The following ERBB4 variants were observed in gnomAD, a reference collection of about 807,000 sequenced individuals.
ERBB4 encodes the protein receptor tyrosine-protein kinase erbB-4.
A neutral mutation model predicts 158.0 loss-of-function variants in ERBB4; 42 were observed. The observed-to-expected ratio is 0.27, with a 90% CI of 0.21 to 0.34. The LOEUF is 0.34. Ranked by LOEUF, ERBB4 falls within the 10% of genes least tolerant of loss-of-function variation. The pLI, the probability that ERBB4 is intolerant of heterozygous loss-of-function variation, is 1.00. For missense variants in ERBB4, 1,333 were observed against 1,624.1 expected, an observed-to-expected ratio of 0.82 and a Z score of 3.08; for synonymous variants, 583 against 558.7, an observed-to-expected ratio of 1.04 and a Z score of -0.61.
chr2:211,796,387 C>T (rs2076383557), intron 3 of ERBB4, among the ~76,000 whole-genome samples: 2 of 151,992 alleles, frequency 1.3e-5, no homozygotes, highest in African/African-American at 4.8e-5. Context: ...ATACTTTCCA[C>T]ACTTGGGCTA....
chr2:211,558,615 G>A (rs13402967), intron 20 of ERBB4, among the ~76,000 whole-genome samples: 27,384 of 151,928 alleles, frequency 0.18, 3,003 homozygotes, highest in Non-Finnish European at 0.25. Flanking sequence ...AAAAAATATA[G>A]TAATTATTAA....
At chr2:211,748,828 T>C (rs2075046327) in intron 5 of ERBB4, among the ~76,000 whole-genome samples, 1 of 152,254 alleles carries the variant, frequency 6.6e-6, no homozygotes, top group Non-Finnish European at 1.5e-5. Flanking sequence ...TTGGTTACTT[T>C]CCACTTCATC....
At chr2:211,827,167 C>G (rs1045189313) in intron 3 of ERBB4, among the ~76,000 whole-genome samples, 1 of 151,962 alleles carries the variant, frequency 6.6e-6, no homozygotes, top group African/African-American at 2.4e-5. Flanking sequence ...TACCCATGCT[C>G]TATCCGAAAA....
chr2:212,112,816 A>G (rs1260163295), intron 2 of ERBB4, among the ~76,000 whole-genome samples: 4 of 152,232 alleles, frequency 2.6e-5, no homozygotes, highest in Non-Finnish European at 5.9e-5. Context: ...ACGTGAGTCT[A>G]AGGAAGCTTA....
chr2:211,464,033 T>C (rs1553539742), intron 20 of ERBB4, among the ~76,000 whole-genome samples: 1 of 152,148 alleles, frequency 6.6e-6, no homozygotes, highest in Non-Finnish European at 1.5e-5. Context: ...GCTTTTTTCC[T>C]TTAAGTCTTA....
At chr2:212,334,769 T>A (rs1031495337) in intron 1 of ERBB4, among the ~76,000 whole-genome samples, 4 of 152,006 alleles carry the variant, frequency 2.6e-5, no homozygotes, top group Non-Finnish European at 5.9e-5. Context: ...TGCCAATGAA[T>A]TTAGATAATT....
intron 19 of ERBB4, among the ~76,000 whole-genome samples, chr2:211,580,812 A>ATATATAT (rs1203397849): frequency 4.1e-5 from 2 of 48,272 alleles, no homozygotes; most frequent in African/African-American, 2.1e-4. Context: ...ATATATATAT[A>ATATATAT]ATATATATAT....
intron 20 of ERBB4, among the ~76,000 whole-genome samples, chr2:211,483,510 C>T (rs1251177910): frequency 1.3e-5 from 2 of 151,826 alleles, no homozygotes; most frequent in East Asian, 3.9e-4. Flanking sequence ...AGTGACAGCA[C>T]ATTTCTTTTT....
At chr2:211,620,792 A>C (rs2125850357) in intron 18 of ERBB4, among the ~76,000 whole-genome samples, 1 of 152,310 alleles carries the variant, frequency 6.6e-6, no homozygotes, top group South Asian at 2.1e-4. Context: ...ACATGGCATC[A>C]ATATTAAAGT....
intron 1 of ERBB4, among the ~76,000 whole-genome samples, chr2:212,396,558 A>G (rs2091031028): frequency 6.6e-6 from 1 of 152,166 alleles, no homozygotes; most frequent in African/African-American, 2.4e-5. Flanking sequence ...TGCCCCAGAT[A>G]TAGTAAGAAC....
chr2:211,563,565 A>G (rs2067465381), intron 19 of ERBB4, among the ~76,000 whole-genome samples: 1 of 152,218 alleles, frequency 6.6e-6, no homozygotes, highest in Non-Finnish European at 1.5e-5. Context: ...AAAAAAATAT[A>G]TAAAACATTC....
At chr2:212,325,514 C>G (rs1261712326) in intron 1 of ERBB4, among the ~76,000 whole-genome samples, 1 of 150,612 alleles carries the variant, frequency 6.6e-6, no homozygotes, top group Non-Finnish European at 1.5e-5. Flanking sequence ...AAATCTGAAA[C>G]TCATCAGTTC....
At chr2:211,410,709 G>GAAAA (rs963454058) in intron 25 of ERBB4, among the ~76,000 whole-genome samples, 6 of 152,058 alleles carry the variant, frequency 3.9e-5, no homozygotes, top group Non-Finnish European at 5.9e-5. Flanking sequence ...AAGAAATTGA[G>GAAAA]AAAATAGTTC....
intron 1 of ERBB4, among the ~76,000 whole-genome samples, chr2:212,261,147 G>T (rs1004550121): frequency 6.6e-6 from 1 of 152,126 alleles, no homozygotes; most frequent in African/African-American, 2.4e-5. Flanking sequence ...CTTTCTGCAT[G>T]TAAAATTTCA....
chr2:211,383,159 T>C lies in ERBB4; in HGVS notation c.*456A>G, dbSNP rs1657473324. ...TCTTTTGTTCTAATGGAAACTTTAT[T>C]ATGATTTCCAGGGATGCTAAATATG... On this transcript the variant is annotated 3_prime_UTR_variant, in exon 28 of 28. Coordinates refer to ENST00000342788, the MANE Select transcript of ERBB4 (RefSeq NM_005235.3). 1 of 237,892 alleles carries C rather than the reference T, an allele frequency of 4.2e-6. No homozygotes were observed. The highest frequency in any genetic ancestry group is 8.2e-6 in the Non-Finnish European group (1 of 121,330). 14.7% of individuals were successfully genotyped at this position (237,892 alleles called of 1,614,324 possible).
intron 3 of ERBB4, among the ~76,000 whole-genome samples, chr2:211,857,177 T>TGTG (rs550969154): frequency 0.011 from 1,687 of 147,082 alleles, 22 homozygotes; most frequent in African/African-American, 0.038. Context: ...GTGTGTGTGT[T>TGTG]TGTGTGTCTT....
intron 20 of ERBB4, among the ~76,000 whole-genome samples, chr2:211,535,050 G>A (rs1274601129): frequency 1.3e-5 from 2 of 152,034 alleles, no homozygotes; most frequent in Non-Finnish European, 2.9e-5. Context: ...TCTTTGAGAA[G>A]CTATGTGCTC....
chr2:212,087,967 A>G (rs2078665483), intron 2 of ERBB4, among the ~76,000 whole-genome samples: 1 of 152,096 alleles, frequency 6.6e-6, no homozygotes, highest in African/African-American at 2.4e-5. Context: ...AATGCGTGTT[A>G]AGCTTCAGAC....
intron 1 of ERBB4, among the ~76,000 whole-genome samples, chr2:212,294,382 G>A (rs1478329366): frequency 6.6e-6 from 1 of 151,892 alleles, no homozygotes. Flanking sequence ...TATTCAAAGA[G>A]GGATTTTATT....
Sources: gnomAD v4.1 joint callset for allele counts (sites outside exome capture counted in the v4.1 genomes callset) on GRCh38, gnomAD v4.1.1 for gene constraint, MANE v1.5 for transcripts, NCBI Gene and HGNC (gene_info 2026-07-23, HGNC 2026-07-21) for gene names.